Variants in GPM6A observed in about 807,000 individuals in gnomAD.
GPM6A encodes glycoprotein M6A.
GPM6A carries 7 observed loss-of-function variants against 32.1 expected under a neutral mutation model. That is an observed-to-expected ratio of 0.22 (90% CI 0.12 to 0.41). The LOEUF (loss-of-function observed/expected upper bound fraction) is 0.41. GPM6A is among the 10% of genes least tolerant of loss of function. The pLI is 1.00. For synonymous variants in GPM6A, 130 were observed against 123.4 expected (o/e 1.05, Z -0.35); for missense variants, 235 against 347.2 (o/e 0.68, Z 2.57).
chr4:175,656,745 G>A (rs1280021382), intron 3 of GPM6A, among the ~76,000 whole-genome samples: 2 of 152,094 alleles, frequency 1.3e-5, no homozygotes, highest in Non-Finnish European at 2.9e-5. Context: ...ACCCTGTTGA[G>A]GTCTAGACTT....
Position 175,688,443 on chromosome 4 carries a change from A to G in GPM6A, c.230+13132T>C, listed in dbSNP as rs199950415. Among the ~76,000 whole-genome samples, 28 of 152,194 alleles carry G rather than the reference A, an allele frequency of 1.8e-4. No homozygotes were observed. The East Asian group carries it at 5.0e-3, about 27-fold the overall frequency. On this transcript the variant is annotated intron_variant, in intron 2 of 6. Transcript: ENST00000393658. ...AGATCCGGTTTTTCCAGCATCCTTT[A>G]TTGAAGAGACTACCTATTTGTCATT...
intron 1 of GPM6A, among the ~76,000 whole-genome samples, chr4:175,770,322 G>A (rs772079112): frequency 4.6e-5 from 7 of 152,182 alleles, no homozygotes; most frequent in Non-Finnish European, 1.0e-4. Flanking sequence ...CACTGCGCCT[G>A]GCCGATGCCT....
intron 1 of GPM6A, among the ~76,000 whole-genome samples, chr4:175,936,169 G>A (rs1232882572): frequency 6.6e-6 from 1 of 151,254 alleles, no homozygotes. Flanking sequence ...AGCTGGGCTT[G>A]GTGGCGGGCG....
intron 1 of GPM6A, among the ~76,000 whole-genome samples, chr4:175,985,186 T>C (rs2126449959): frequency 6.6e-6 from 1 of 152,358 alleles, no homozygotes; most frequent in African/African-American, 2.4e-5. Flanking sequence ...TATATCTATA[T>C]CTATATATGT....
intron 1 of GPM6A, among the ~76,000 whole-genome samples, chr4:175,964,368 A>G (rs899445185): frequency 2.6e-5 from 4 of 152,204 alleles, no homozygotes; most frequent in African/African-American, 9.6e-5. Context: ...AAATGAATGA[A>G]GAAAGAAATA....
At chr4:175,742,608 C>T (rs894392691) in intron 1 of GPM6A, among the ~76,000 whole-genome samples, 1 of 152,012 alleles carries the variant, frequency 6.6e-6, no homozygotes, top group African/African-American at 2.4e-5. Flanking sequence ...ATTTAAGGCT[C>T]GGTTACTGGG....
intron 1 of GPM6A, among the ~76,000 whole-genome samples, chr4:175,718,545 G>A (rs1015029996): frequency 6.6e-6 from 1 of 152,172 alleles, no homozygotes; most frequent in Non-Finnish European, 1.5e-5. Context: ...GAGCCCGGGA[G>A]ACGGCGGTTG....
chr4:175,972,689 G>A (rs1489374176), intron 1 of GPM6A, among the ~76,000 whole-genome samples: 2 of 151,910 alleles, frequency 1.3e-5, no homozygotes, highest in African/African-American at 4.8e-5. Context: ...CCTTTGTTTT[G>A]GGCTTGTTTC....
intron 1 of GPM6A, among the ~76,000 whole-genome samples, chr4:175,712,345 C>A (rs1200107127): frequency 6.6e-6 from 1 of 152,168 alleles, no homozygotes; most frequent in East Asian, 1.9e-4. Context: ...ATGGCAGAGC[C>A]AGGAGGCCTG....
At chr4:175,946,572 G>A (rs1739612830) in intron 1 of GPM6A, among the ~76,000 whole-genome samples, 1 of 152,168 alleles carries the variant, frequency 6.6e-6, no homozygotes, top group Non-Finnish European at 1.5e-5. Flanking sequence ...GTGGGTCAGG[G>A]AAGACGTTTT....
intron 1 of GPM6A, among the ~76,000 whole-genome samples, chr4:175,925,850 C>CTTTTTTTTTTT (rs60669466): frequency 2.7e-4 from 37 of 135,104 alleles, no homozygotes; most frequent in Non-Finnish European, 3.5e-4. Flanking sequence ...CTTTTCTTTT[C>CTTTTTTTTTTT]TTTTTTTTTT....
At position 175,820,715 on chromosome 4, in the gene GPM6A, T is replaced by A. The variant is rs189934506; in HGVS notation, c.-22-8466A>T. Among the ~76,000 whole-genome samples the A allele has an allele frequency of 2.6e-5, 4 of 152,080 alleles. No individual in the cohort carries two copies. In the East Asian group the frequency reaches 5.8e-4, roughly 22 times the overall value. ...GGGTTTCACCATGTTGGCCGGCTGG[T>A]CTCAAACTTCTGACCTCAAGTGATC... On this transcript the variant is annotated intron_variant, in intron 1 of 7. Coordinates refer to the GPM6A transcript ENST00000280187.
chr4:175,923,021 C>T (rs958784783), intron 1 of GPM6A, among the ~76,000 whole-genome samples: 32 of 151,924 alleles, frequency 2.1e-4, no homozygotes, highest in African/African-American at 7.2e-4. Context: ...ATATAATCCA[C>T]GCTTGTTATT....
At chr4:175,671,715 C>A (rs1201605749) in intron 3 of GPM6A, among the ~76,000 whole-genome samples, 1 of 152,084 alleles carries the variant, frequency 6.6e-6, no homozygotes, top group Non-Finnish European at 1.5e-5. Context: ...GAGCTAGCCC[C>A]CTTCGTGAAG....
intron 1 of GPM6A, among the ~76,000 whole-genome samples, chr4:175,873,592 C>T (rs900063031): frequency 6.6e-6 from 1 of 151,968 alleles, no homozygotes; most frequent in East Asian, 1.9e-4. Context: ...TTCTCATAGA[C>T]AACTAACAAT....
chr4:175,648,588 T>C (rs1343258036), intron 4 of GPM6A, among the ~76,000 whole-genome samples: 1 of 152,210 alleles, frequency 6.6e-6, no homozygotes, highest in Non-Finnish European at 1.5e-5. Flanking sequence ...TCTCTTACAG[T>C]TCTGGAAGAC....
chr4:175,742,979 C>T (rs575073670), intron 1 of GPM6A, among the ~76,000 whole-genome samples: 26 of 151,592 alleles, frequency 1.7e-4, no homozygotes, highest in South Asian at 8.3e-4. Flanking sequence ...AGACCCCATT[C>T]GCCACAAAAA....
chr4:175,833,559 A>G (rs1735679074), intron 1 of GPM6A, among the ~76,000 whole-genome samples: 1 of 152,228 alleles, frequency 6.6e-6, no homozygotes, highest in South Asian at 2.1e-4. Context: ...ATGAAAACAA[A>G]TAAATATTTT....
chr4:175,646,194 G>A (rs1392545914), intron 4 of GPM6A, among the ~76,000 whole-genome samples: 1 of 152,050 alleles, frequency 6.6e-6, no homozygotes, highest in Non-Finnish European at 1.5e-5. Context: ...CCTAACATGG[G>A]AATACCAAAC....
Sources: gnomAD v4.1 joint callset for allele counts (sites outside exome capture counted in the v4.1 genomes callset) on GRCh38, gnomAD v4.1.1 for gene constraint, MANE v1.5 for transcripts, NCBI Gene and HGNC (gene_info 2026-07-23, HGNC 2026-07-21) for gene names.